PDE3A: variants seen among roughly 807,000 people sequenced by gnomAD.
The protein encoded by PDE3A is cGMP-inhibited 3',5'-cyclic phosphodiesterase 3A.
Under a neutral mutation model 98.3 loss-of-function variants are expected in PDE3A, and 43 were observed. The ratio of observed to expected loss-of-function variants is 0.44; its 90% confidence interval spans 0.34 to 0.56. The LOEUF (loss-of-function observed/expected upper bound fraction) is 0.56. PDE3A is among the 20% of genes least tolerant of loss of function. PDE3A has a pLI of 0.01. For missense variants in PDE3A, 1,427 were observed against 1,440.7 expected (o/e 0.99, Z 0.15); for synonymous variants, 663 against 567.9 (o/e 1.17, Z -2.38).
At chr12:20,606,058 A>G (rs1302932363) in intron 2 of PDE3A, among the ~76,000 whole-genome samples, 2 of 152,182 alleles carry the variant, frequency 1.3e-5, no homozygotes, top group African/African-American at 4.8e-5. Flanking sequence ...AATTGGATGC[A>G]TTATCTTCAT....
rs181042509 is a variant in PDE3A, at chr12:20,683,161, A to T, written c.*2890A>T. Reference sequence around the variant, plus strand: ...GGGATAAATAAAGGGATGAAGATCCACTAAGTTTGTGACTTTCATACACAC... The same window carrying T: ...GGGATAAATAAAGGGATGAAGATCCTCTAAGTTTGTGACTTTCATACACAC... On this transcript the variant is annotated 3_prime_UTR_variant, in exon 16 of 16. Transcript: ENST00000359062. 1 of 152,344 alleles carries T rather than the reference A, an allele frequency of 6.6e-6. No individual in the cohort carries two copies. The highest frequency in any genetic ancestry group is 2.4e-5 in the African/African-American group (1 of 41,584). The allele number at this position is 152,344 out of a possible 1,614,324, so 9.4% of individuals were successfully genotyped here. A position where few individuals can be genotyped will look rare whatever the true frequency, so the allele number is the denominator to read the frequency against.
intron 1 of PDE3A, among the ~76,000 whole-genome samples, chr12:20,490,848 T>C (rs763047157): frequency 1.3e-5 from 2 of 152,170 alleles, no homozygotes; most frequent in Non-Finnish European, 2.9e-5. Flanking sequence ...TGGTGGCTCA[T>C]ACCTGTGATT....
Position 20,634,992 on chromosome 12 carries a change from T to C in PDE3A, c.1937T>C (p.Leu646Pro), listed in dbSNP as rs1944466055. 7.4e-6 allele frequency: 12 copies of C among 1,613,420 alleles called. No individual in the cohort carries two copies. Among genetic ancestry groups the C allele is most frequent in the South Asian group, 1.1e-5 (1 of 91,066 alleles). ...CAGAATGAAGATGAAACAGAGTGCC[T>C]GAGAGAGCCTCTGAGGAAAGCATCG... The part of the protein sequence containing the change: ...IVQNEDETEC[L>P]REPLRKASAC... The change falls in exon 8 of 16, where the codon CTG (leucine) becomes CCG (proline). Residue 646 changes from leucine (L) to proline (P), a missense_variant. Physicochemically the swap from Leu to Pro is moderately conservative, Grantham distance 98. This residue lies in a region of PDE3A where 1,012 missense variants were observed against 886.5 expected (regional missense o/e 1.14). Transcript: ENST00000359062.
At chr12:20,436,704 TC>T (rs1944784300) in intron 1 of PDE3A, among the ~76,000 whole-genome samples, 1 of 152,174 alleles carries the variant, frequency 6.6e-6, no homozygotes, top group Non-Finnish European at 1.5e-5. Context: ...TCTCAAGAGA[TC>T]AGGTGGTTTT....
chr12:20,492,749 CCTTT>C (rs1400935301), intron 1 of PDE3A, among the ~76,000 whole-genome samples: 1 of 152,116 alleles, frequency 6.6e-6, no homozygotes, highest in Non-Finnish European at 1.5e-5. Flanking sequence ...ACCTCAACCT[CCTTT>C]CTTTTATTCC....
At position 20,640,070 on chromosome 12, in the gene PDE3A, C is replaced by T; in HGVS notation, c.2251+113C>T. 5.2e-6 allele frequency: 3 copies of T among 578,630 alleles called. No homozygotes were observed. The South Asian group carries it at 5.8e-5, about 11-fold the overall frequency. 35.8% of individuals were successfully genotyped at this position (578,630 alleles called of 1,614,324 possible). On this transcript the variant is annotated intron_variant, in intron 10 of 15. Transcript: ENST00000359062. ...CACAGAATTACACATGGTAGACGCT[C>T]AATATGGAGACATCATATGGTGATT...
chr12:20,426,472 C>T (rs1944603955), intron 1 of PDE3A, among the ~76,000 whole-genome samples: 1 of 152,144 alleles, frequency 6.6e-6, no homozygotes, highest in South Asian at 2.1e-4. Flanking sequence ...TTCACACTGG[C>T]CGCATCACGG....
At chr12:20,457,024 A>G (rs1019842906) in intron 1 of PDE3A, among the ~76,000 whole-genome samples, 1 of 152,120 alleles carries the variant, frequency 6.6e-6, no homozygotes, top group Non-Finnish European at 1.5e-5. Context: ...TATACAGTCA[A>G]ATCAAACACT....
At chr12:20,400,076 T>C (rs192641061) in intron 1 of PDE3A, among the ~76,000 whole-genome samples, 8 of 151,166 alleles carry the variant, frequency 5.3e-5, no homozygotes, top group African/African-American at 1.5e-4. Flanking sequence ...CTTTGAGACA[T>C]CCATTAGTAG....
intron 1 of PDE3A, among the ~76,000 whole-genome samples, chr12:20,407,964 G>T (rs188856078): frequency 7.8e-4 from 118 of 152,052 alleles, no homozygotes; most frequent in Admixed American, 1.4e-3. Flanking sequence ...CTGTCCCCCA[G>T]GCTGTAGTGC....
chr12:20,573,509 CT>C (rs1429134165), intron 2 of PDE3A, among the ~76,000 whole-genome samples: 1 of 152,024 alleles, frequency 6.6e-6, no homozygotes, highest in African/African-American at 2.4e-5. Context: ...AGAGGTAAGA[CT>C]GTGTTCAAAT....
intron 1 of PDE3A, among the ~76,000 whole-genome samples, chr12:20,427,896 A>C (rs1944627494): frequency 6.6e-6 from 1 of 151,972 alleles, no homozygotes; most frequent in Non-Finnish European, 1.5e-5. Flanking sequence ...TTTAAAATAT[A>C]AATAAATATC....
chr12:20,517,909 C>T (rs1157677204), intron 1 of PDE3A, among the ~76,000 whole-genome samples: 6 of 152,154 alleles, frequency 3.9e-5, no homozygotes, highest in Non-Finnish European at 8.8e-5. Flanking sequence ...ATGTAGCCCA[C>T]AGAAATCCAC....
chr12:20,505,142 C>T (rs927808473), intron 1 of PDE3A, among the ~76,000 whole-genome samples: 9 of 152,058 alleles, frequency 5.9e-5, no homozygotes, highest in Non-Finnish European at 1.5e-5. Flanking sequence ...AAATGTGTAA[C>T]CAGCAATTAC....
rs1942853456 is a variant in PDE3A, at chr12:20,573,527, C to T, written c.1011+16817C>T. Among the ~76,000 whole-genome samples, 3 of 152,036 alleles carry T rather than the reference C, an allele frequency of 2.0e-5. No individual in the cohort carries two copies. The South Asian group carries it at 6.2e-4, about 32-fold the overall frequency. On this transcript the variant is annotated intron_variant, in intron 2 of 15. Coordinates refer to ENST00000359062, the MANE Select transcript of PDE3A (RefSeq NM_000921.5). ...GGTAAGACTGTGTTCAAATGCAAGA[C>T]TAAGATGCAAGACTGTTTTCAAATG...
At chr12:20,670,035 A>C (rs1170266621) in intron 15 of PDE3A, among the ~76,000 whole-genome samples, 5 of 150,732 alleles carry the variant, frequency 3.3e-5, no homozygotes, top group Non-Finnish European at 5.9e-5. Flanking sequence ...AAAAAAAGGC[A>C]GGGATTGCAA....
chr12:20,429,695 A>C (rs1200747756), intron 1 of PDE3A, among the ~76,000 whole-genome samples: 2 of 152,202 alleles, frequency 1.3e-5, no homozygotes, highest in Non-Finnish European at 2.9e-5. Flanking sequence ...GTGAGGGATT[A>C]TGAAAGAGAA....
chr12:20,624,797 T>C (rs1182067095), intron 5 of PDE3A, among the ~76,000 whole-genome samples: 2 of 152,230 alleles, frequency 1.3e-5, no homozygotes, highest in African/African-American at 4.8e-5. Flanking sequence ...GCCCTTCTGC[T>C]TTAAAATCCT....
chr12:20,512,631 C>T (rs988032216), intron 1 of PDE3A, among the ~76,000 whole-genome samples: 1 of 152,066 alleles, frequency 6.6e-6, no homozygotes, highest in Non-Finnish European at 1.5e-5. Flanking sequence ...GAATATCTGG[C>T]AGAACATAAG....
Sources: allele counts gnomAD v4.1 joint callset (sites outside exome capture counted in the v4.1 genomes callset), GRCh38; gene constraint gnomAD v4.1.1; regional missense constraint gnomAD v4.1.1; transcripts MANE v1.5; gene names NCBI Gene and HGNC (gene_info 2026-07-23, HGNC 2026-07-21).